The following ANO2 variants were observed in gnomAD, a reference collection of about 807,000 sequenced individuals.
ANO2 encodes the protein anoctamin 2.
Under a neutral mutation model 124.2 loss-of-function variants are expected in ANO2, and 101 were observed. That is an observed-to-expected ratio of 0.81 (90% confidence interval 0.69 to 0.96). The LOEUF is 0.96. Ranked by LOEUF, ANO2 falls within the 40% of genes least tolerant of loss-of-function variation. ANO2 has a pLI of 0.00. For synonymous variants in ANO2, 486 were observed against 482.5 expected, an observed-to-expected ratio of 1.01 and a Z score of -0.09; for missense variants, 1,293 against 1,274.5, an observed-to-expected ratio of 1.01 and a Z score of -0.22.
At chr12:5,663,378 T>A (rs1048849451) in intron 14 of ANO2, among the ~76,000 whole-genome samples, 1 of 152,180 alleles carries the variant, frequency 6.6e-6, no homozygotes, top group African/African-American at 2.4e-5. Flanking sequence ...TGTGGGTGAA[T>A]GAGCAGGTAG....
intron 10 of ANO2, among the ~76,000 whole-genome samples, chr12:5,795,395 A>G (rs957855548): frequency 1.1e-4 from 16 of 152,200 alleles, no homozygotes; most frequent in Admixed American, 9.2e-4. Context: ...AGCCTCACTC[A>G]TGAAGTGAGC....
At chr12:5,903,886 A>G (rs912242576) in intron 3 of ANO2, among the ~76,000 whole-genome samples, 2 of 152,086 alleles carry the variant, frequency 1.3e-5, no homozygotes, top group Non-Finnish European at 2.9e-5. Context: ...CCCACTTCTG[A>G]GCATCCTAGC....
chr12:5,848,767 C>A lies in ANO2; in HGVS notation c.633+5276G>T, dbSNP rs370818033. Among the ~76,000 whole-genome samples, 7 of 152,204 alleles carry A rather than the reference C, an allele frequency of 4.6e-5. No individual in the cohort carries two copies. The East Asian group carries it at 1.2e-3, about 25-fold the overall frequency. On this transcript the variant is annotated intron_variant, in intron 4 of 24. Coordinates refer to ENST00000682330, the MANE Select transcript of ANO2 (RefSeq NM_001364791.2). ...GATTTCATGTCTGGATTTCTGGCTG[C>A]CTTGGCAGAGTTGAGGGACTGGGCC...
chr12:5,851,715 G>A (rs1188363930), intron 4 of ANO2, among the ~76,000 whole-genome samples: 1 of 151,762 alleles, frequency 6.6e-6, no homozygotes, highest in Non-Finnish European at 1.5e-5. Flanking sequence ...AGATGTGGAG[G>A]TGTCATAGAG....
At chr12:5,796,928 C>T (rs1052090558) in intron 10 of ANO2, among the ~76,000 whole-genome samples, 2 of 152,208 alleles carry the variant, frequency 1.3e-5, no homozygotes, top group African/African-American at 4.8e-5. Context: ...ACAATTGGCA[C>T]AGAGGAGGAG....
rs187390995 is a variant in ANO2 at position 5,920,360 on chromosome 12, T to A, written c.534+680A>T. Among the ~76,000 whole-genome samples the A allele has an allele frequency of 3.5e-3, 537 of 152,180 alleles. 4 individuals carry two copies. Among genetic ancestry groups the A allele is most frequent in the Admixed American group, 5.6e-3 (86 of 15,290 alleles). On this transcript the variant is annotated intron_variant, in intron 3 of 24. Coordinates refer to ENST00000682330, the MANE Select transcript of ANO2 (RefSeq NM_001364791.2). ...TCCAAAATTCAACAAGGAAACTAGG[T>A]CTTCCTCCCAAGGAAACCATATGGA...
chr12:5,652,910 C>T (rs1475736650), intron 14 of ANO2, among the ~76,000 whole-genome samples: 3 of 152,100 alleles, frequency 2.0e-5, no homozygotes, highest in African/African-American at 7.2e-5. Context: ...CACAAAGTGC[C>T]CACATTTAAG....
At chr12:5,841,841 CT>C (rs1565714465) in intron 4 of ANO2, among the ~76,000 whole-genome samples, 1 of 152,124 alleles carries the variant, frequency 6.6e-6, no homozygotes, top group Non-Finnish European at 1.5e-5. Flanking sequence ...TCTTTTTCTT[CT>C]GTTGGTGCCT....
chr12:5,696,731 T>C (rs1465099690), intron 14 of ANO2, among the ~76,000 whole-genome samples: 1 of 152,190 alleles, frequency 6.6e-6, no homozygotes, highest in Non-Finnish European at 1.5e-5. Flanking sequence ...AAATGAAATA[T>C]AAGCATACCA....
intron 8 of ANO2, 141 bp from the exon 9 acceptor site, chr12:5,806,234 G>T: frequency 2.5e-6 from 2 of 811,758 alleles, no homozygotes; most frequent in Non-Finnish European, 3.8e-6. Flanking sequence ...AGCATGGCAT[G>T]GTAAGGGGCT....
chr12:5,899,283 T>C (rs1565760584), intron 3 of ANO2, among the ~76,000 whole-genome samples: 1 of 152,172 alleles, frequency 6.6e-6, no homozygotes, highest in Non-Finnish European at 1.5e-5. Flanking sequence ...CTCAGCCAAA[T>C]AGCCAAAGTG....
At chr12:5,627,700 C>T (rs1288506757) in intron 16 of ANO2, among the ~76,000 whole-genome samples, 2 of 152,170 alleles carry the variant, frequency 1.3e-5, no homozygotes, top group Admixed American at 1.3e-4. Flanking sequence ...TGATTTTTCC[C>T]CCATCCTTTT....
At chr12:5,611,400 T>TA (rs140087810) in intron 19 of ANO2, among the ~76,000 whole-genome samples, 26,096 of 152,156 alleles carry the variant, frequency 0.17, 2,587 homozygotes, top group Non-Finnish European at 0.22. Context: ...ACTAAAAAGT[T>TA]AAGCTCTGAG....
intron 3 of ANO2, among the ~76,000 whole-genome samples, chr12:5,917,862 A>C (rs7399281): frequency 0.93 from 141,575 of 152,208 alleles, 66,737 homozygotes; most frequent in East Asian, 1. Flanking sequence ...AGCCACTGCA[A>C]CCAGACCTGT....
chr12:5,945,348 T>TC, upstream of ANO2: 1 of 918,852 alleles, frequency 1.1e-6, no homozygotes, highest in African/African-American at 1.8e-5. Context: ...CGCCTCCTCC[T>TC]CCCCCATCCC....
intron 7 of ANO2, among the ~76,000 whole-genome samples, chr12:5,814,473 C>T (rs1338563226): frequency 6.6e-6 from 1 of 152,348 alleles, no homozygotes; most frequent in Admixed American, 6.5e-5. Context: ...GGAAGACCTT[C>T]TCCGACTACT....
rs572191993 is a variant in ANO2, at chr12:5,672,859, C to T, written c.1546-25058G>A. 1.1e-4 allele frequency among the ~76,000 whole-genome samples: 16 copies of T among 152,268 alleles called. No individual in the cohort carries two copies. The South Asian group carries it at 1.2e-3, about 12-fold the overall frequency. On this transcript the variant is annotated intron_variant, in intron 14 of 24. Coordinates refer to ENST00000682330, the MANE Select transcript of ANO2 (RefSeq NM_001364791.2). ...TATAATAGAACAGGTAATGCCAACA[C>T]GACTTTCTTTTTGTTTGGAAGTTCT...
intron 1 of ANO2, among the ~76,000 whole-genome samples, chr12:5,931,266 C>T (rs981372679): frequency 6.6e-6 from 1 of 152,044 alleles, no homozygotes; most frequent in African/African-American, 2.4e-5. Flanking sequence ...CCCTATACCC[C>T]CATTACCCAC....
intron 20 of ANO2, 117 bp from the exon 21 acceptor site, chr12:5,578,635 A>T: frequency 9.5e-7 from 1 of 1,057,678 alleles, no homozygotes; most frequent in Non-Finnish European, 1.3e-6. Flanking sequence ...CATATGGGGT[A>T]ATTTTTAGTC....
Sources: allele counts gnomAD v4.1 joint callset (sites outside exome capture counted in the v4.1 genomes callset), GRCh38; gene constraint gnomAD v4.1.1; transcripts MANE v1.5; gene names NCBI Gene and HGNC (gene_info 2026-07-23, HGNC 2026-07-21).